MTF1: variants seen among roughly 807,000 people sequenced by gnomAD.
MTF1 encodes the protein metal regulatory transcription factor 1.
Under a neutral mutation model 70.4 loss-of-function variants are expected in MTF1, and 22 were observed. The ratio of observed to expected loss-of-function variants is 0.31; its 90% CI spans 0.22 to 0.45. The LOEUF (loss-of-function observed/expected upper bound fraction) is 0.45, where lower values mean the gene tolerates loss of function less well. MTF1 is among the 20% of genes least tolerant of loss of function. The probability of loss-of-function intolerance (pLI) is 1.00; values close to 1 mark genes in which losing one functional copy is unlikely to be tolerated. For missense variants in MTF1, 649 were observed against 922.0 expected, an observed-to-expected ratio of 0.70 and a Z score of 3.83; for synonymous variants, 333 against 352.8, an observed-to-expected ratio of 0.94 and a Z score of 0.63.
At chr1:37,827,305 T>TG (rs1426890340) in intron 7 of MTF1, among the ~76,000 whole-genome samples, 1 of 151,080 alleles carries the variant, frequency 6.6e-6, no homozygotes, top group Non-Finnish European at 1.5e-5. Flanking sequence ...CAACTACCAC[T>TG]GAGCATAAGC....
intron 2 of MTF1, among the ~76,000 whole-genome samples, chr1:37,850,406 T>G (rs944995596): frequency 6.6e-6 from 1 of 151,798 alleles, no homozygotes; most frequent in East Asian, 1.9e-4. Flanking sequence ...GAGGTTACAG[T>G]GAGCTACGAT....
chr1:37,829,734 G>A (rs1177104586), intron 7 of MTF1, among the ~76,000 whole-genome samples: 8 of 151,232 alleles, frequency 5.3e-5, no homozygotes, highest in African/African-American at 1.2e-4. Flanking sequence ...GTAGTGAGGC[G>A]AGATCGCGCT....
intron 4 of MTF1, among the ~76,000 whole-genome samples, 199 bp downstream of exon 4, chr1:37,838,426 A>G (rs1448266666): frequency 6.6e-6 from 1 of 152,198 alleles, no homozygotes; most frequent in Non-Finnish European, 1.5e-5. Flanking sequence ...GCCATCATCC[A>G]CAGAGTAAGG....
chr1:37,822,844 G>A, intron 8 of MTF1, 128 bp from the exon 9 acceptor site: 2 of 640,124 alleles, frequency 3.1e-6, no homozygotes, highest in Non-Finnish European at 5.3e-6. Flanking sequence ...TAGCTAGCAG[G>A]CCAGCTTTCT....
Position 37,815,431 on chromosome 1 carries a change from G to A in MTF1, c.1967C>T (p.Pro656Leu), listed in dbSNP as rs375953717. The change falls in exon 11 of 11, where the codon CCA (proline) becomes CTA (leucine). Residue 656 changes from proline to leucine, a missense_variant. By Grantham distance (98) the Pro-to-Leu change is moderately conservative. Transcript: ENST00000373036. This position sits in a 1 kb window ranked among gnomAD's most constrained non-coding sequence, Gnocchi z 4.5. ...CTGGGGGCTCGGCTCTGGAGGGGGT[G>A]GGGAGGAGCAGCCCTTTCTCCTGCT... The part of the protein sequence containing the change: ...ASSRRKGCSS[P>L]PPPEPSPQAP... 5.0e-6 allele frequency: 8 copies of A among 1,612,548 alleles called. No individual in the cohort carries two copies. The highest frequency in any genetic ancestry group is 1.1e-5 in the South Asian group (1 of 91,028).
At chr1:37,838,883 C>T (rs776086638) in intron 3 of MTF1, 127 bp from the exon 4 acceptor site, 58 of 654,708 alleles carry the variant, frequency 8.9e-5, no homozygotes, top group Non-Finnish European at 1.3e-4. Context: ...CGGCTCACTG[C>T]AACCTCCTCC....
At position 37,810,662 on chromosome 1, in the gene MTF1, G is replaced by A. The variant is rs1344161272; in HGVS notation, c.*4474C>T. ...AAATATTAAGGAACAGACAATTTCT[G>A]ATCTATGTCACAGCAGAACTATTTG... is the stretch of plus-strand genomic sequence containing the variant. On this transcript the variant is annotated 3_prime_UTR_variant, in exon 11 of 11. Coordinates refer to ENST00000373036, the MANE Select transcript of MTF1 (RefSeq NM_005955.3). 6.6e-6 allele frequency: 1 copy of A among 152,190 alleles called. No individual in the cohort carries two copies. The highest frequency in any genetic ancestry group is 1.5e-5 in the Non-Finnish European group (1 of 68,040). The allele number at this position is 152,190 out of a possible 1,614,324, so 9.4% of individuals were successfully genotyped here. A position where few individuals can be genotyped will look rare whatever the true frequency, so the allele number is the denominator to read the frequency against.
intron 9 of MTF1, among the ~76,000 whole-genome samples, chr1:37,818,483 TCA>T (rs1640855907): frequency 6.6e-6 from 1 of 151,258 alleles, no homozygotes; most frequent in Non-Finnish European, 1.5e-5. Context: ...GGCGGGTGAA[TCA>T]CAAGGTCAGG....
At chr1:37,849,299 G>A (rs1641379168) in intron 2 of MTF1, among the ~76,000 whole-genome samples, 1 of 152,106 alleles carries the variant, frequency 6.6e-6, no homozygotes, top group South Asian at 2.1e-4. Context: ...AGTGGCACAT[G>A]CCTGTAATCC....
At chr1:37,821,206 G>A (rs1249515031) in intron 9 of MTF1, among the ~76,000 whole-genome samples, 1 of 151,440 alleles carries the variant, frequency 6.6e-6, no homozygotes, top group Admixed American at 6.6e-5. Context: ...AGAAACTAGG[G>A]GTGGGGAAAG....
At chr1:37,855,177 T>C (rs1400685889) in intron 2 of MTF1, among the ~76,000 whole-genome samples, 1 of 152,134 alleles carries the variant, frequency 6.6e-6, no homozygotes, top group African/African-American at 2.4e-5. Context: ...TGGAGGTGGT[T>C]AGCCTGTACA....
In MTF1 at chr1:37,822,295, G is replaced by C. The variant is rs369400488; in HGVS notation, c.1593C>G (p.Ala531=). The C allele has an allele frequency of 7.4e-6, 12 of 1,614,010 alleles. No homozygotes were observed. The highest frequency in any genetic ancestry group is 1.0e-5 in the Non-Finnish European group (12 of 1,180,008). ...CACCCAGGGGCAGAGTCTGGACCAT[G>C]GCTGGCAGGGGCTCAGTAGTACTTT... ...PPQSTTEPLP[A]MVQTLPLGAN... Residue 531 remains alanine (A), a synonymous_variant, in exon 9 of 11, where the codon GCC becomes GCG. Coordinates refer to ENST00000373036, the MANE Select transcript of MTF1 (RefSeq NM_005955.3).
At chr1:37,839,146 T>C (rs1219989489) in intron 3 of MTF1, among the ~76,000 whole-genome samples, 1 of 152,100 alleles carries the variant, frequency 6.6e-6, no homozygotes, top group Non-Finnish European at 1.5e-5. Context: ...CATGCCAGCT[T>C]AATGTGCTTC....
At chr1:37,859,102 CAG>C (rs1641553630) in intron 1 of MTF1, among the ~76,000 whole-genome samples, 1 of 152,208 alleles carries the variant, frequency 6.6e-6, no homozygotes, top group African/African-American at 2.4e-5. Flanking sequence ...TGCATCTGAG[CAG>C]AGAGAGAAGA....
At chr1:37,826,277 G>A (rs1640999533) in intron 7 of MTF1, among the ~76,000 whole-genome samples, 1 of 152,074 alleles carries the variant, frequency 6.6e-6, no homozygotes, top group South Asian at 2.1e-4. Flanking sequence ...CCAAAAGGGA[G>A]CAATTCTTCT....
chr1:37,834,294 T>C (rs1641130236), intron 6 of MTF1, among the ~76,000 whole-genome samples: 1 of 151,658 alleles, frequency 6.6e-6, no homozygotes. Flanking sequence ...TAGGGCCCTA[T>C]AGCCTACTAT....
chr1:37,848,724 A>C (rs956591058), intron 2 of MTF1, among the ~76,000 whole-genome samples: 4 of 152,222 alleles, frequency 2.6e-5, no homozygotes, highest in African/African-American at 9.6e-5. Context: ...ACACTGATAA[A>C]ATGGCTTCAT....
Position 37,813,662 on chromosome 1 carries a change from G to A in MTF1, c.*1474C>T, listed in dbSNP as rs533883729. On this transcript the variant is annotated 3_prime_UTR_variant, in exon 11 of 11. Coordinates refer to ENST00000373036, the MANE Select transcript of MTF1 (RefSeq NM_005955.3). ...GCTCAGGGCAAGGAAAGGGCTCTTGGGAGGCAGAGGCCTATTCTGCACCTC... is the reference window on the plus strand; with the variant it reads ...GCTCAGGGCAAGGAAAGGGCTCTTGAGAGGCAGAGGCCTATTCTGCACCTC... 1 of 152,404 alleles carries A rather than the reference G, an allele frequency of 6.6e-6. No individual in the cohort carries two copies. The highest frequency in any genetic ancestry group is 2.1e-4 in the South Asian group (1 of 4,832). 9.4% of individuals were successfully genotyped at this position (152,404 alleles called of 1,614,324 possible). A position where few individuals can be genotyped will look rare whatever the true frequency, so the allele number is the denominator to read the frequency against.
chr1:37,811,199 G>A lies in MTF1; in HGVS notation c.*3937C>T, dbSNP rs1640727905. Reference sequence around the variant, plus strand: ...GAAGTGATGAAAAAGGGCCTCAACAGTCAGCAGAAAACAGGACCCACAGCA... The same window carrying A: ...GAAGTGATGAAAAAGGGCCTCAACAATCAGCAGAAAACAGGACCCACAGCA... On this transcript the variant is annotated 3_prime_UTR_variant, in exon 11 of 11. Coordinates refer to ENST00000373036, the MANE Select transcript of MTF1 (RefSeq NM_005955.3). 6.5e-6 allele frequency: 1 copy of A among 152,714 alleles called. No homozygotes were observed. Among genetic ancestry groups the A allele is most frequent in the South Asian group, 2.1e-4 (1 of 4,836 alleles). 9.5% of individuals were successfully genotyped at this position (152,714 alleles called of 1,614,324 possible).
Sources: allele counts gnomAD v4.1 joint callset (sites outside exome capture counted in the v4.1 genomes callset), GRCh38; gene constraint gnomAD v4.1.1; non-coding constraint Gnocchi (gnomAD v3.1); transcripts MANE v1.5; gene names NCBI Gene and HGNC (gene_info 2026-07-23, HGNC 2026-07-21).